The following WDR47 variants were observed in gnomAD, a reference collection of about 807,000 sequenced individuals.
WDR47 encodes WD repeat domain 47, also known as WD repeat-containing protein 47.
A neutral mutation model predicts 97.2 loss-of-function variants in WDR47; 32 were observed. The observed-to-expected ratio is 0.33, with a 90% CI of 0.25 to 0.44. The LOEUF is 0.44. WDR47 is among the 20% of genes least tolerant of loss of function. The probability of loss-of-function intolerance (pLI) is 1.00; values close to 1 mark genes in which losing one functional copy is unlikely to be tolerated. For synonymous variants in WDR47, 375 were observed against 373.5 expected, an observed-to-expected ratio of 1.00 and a Z score of -0.05; for missense variants, 782 against 1,102.3, an observed-to-expected ratio of 0.71 and a Z score of 4.11.
intron 7 of WDR47, among the ~76,000 whole-genome samples, chr1:108,996,587 A>G (rs1659766683): frequency 6.6e-6 from 1 of 152,212 alleles, no homozygotes; most frequent in African/African-American, 2.4e-5. Flanking sequence ...CATGATGAGT[A>G]AAAAGTCAAA....
intron 1 of WDR47, among the ~76,000 whole-genome samples, chr1:109,036,028 T>C (rs113479639): frequency 2.0e-5 from 3 of 152,022 alleles, no homozygotes; most frequent in African/African-American, 7.2e-5. Flanking sequence ...ACTATGAAAA[T>C]GAAAAATATA....
intron 9 of WDR47, among the ~76,000 whole-genome samples, chr1:108,987,687 C>G (rs1658946129): frequency 6.6e-6 from 1 of 150,800 alleles, no homozygotes; most frequent in African/African-American, 2.4e-5. Context: ...AGGCTGGTCT[C>G]AAACTCCTGA....
intron 1 of WDR47, among the ~76,000 whole-genome samples, chr1:109,035,684 C>T (rs535431997): frequency 1.3e-5 from 2 of 151,810 alleles, no homozygotes; most frequent in Admixed American, 6.6e-5. Flanking sequence ...TTAGTAGAGA[C>T]GGGGTTTCAC....
intron 2 of WDR47, among the ~76,000 whole-genome samples, chr1:109,018,412 G>A (rs182191941): frequency 2.7e-5 from 4 of 150,790 alleles, no homozygotes; most frequent in African/African-American, 9.8e-5. Flanking sequence ...CTCTAGCCTG[G>A]GCAACAAAAG....
At chr1:109,027,964 A>T (rs992319117) in intron 1 of WDR47, among the ~76,000 whole-genome samples, 1 of 152,216 alleles carries the variant, frequency 6.6e-6, no homozygotes, top group African/African-American at 2.4e-5. Context: ...ATTCAGGGAA[A>T]CAGAATTCAA....
intron 4 of WDR47, among the ~76,000 whole-genome samples, chr1:109,013,407 A>G (rs1285855692): frequency 1.3e-5 from 2 of 152,190 alleles, no homozygotes; most frequent in Non-Finnish European, 2.9e-5. Context: ...AAATGAATTT[A>G]ATTTCATTAA....
At chr1:108,984,251 T>C (rs1658587476) in intron 10 of WDR47, among the ~76,000 whole-genome samples, 1 of 152,042 alleles carries the variant, frequency 6.6e-6, no homozygotes, top group African/African-American at 2.4e-5. Flanking sequence ...CTTAGTGGGG[T>C]AACAGCATTT....
At chr1:108,996,832 C>T (rs1216573170) in intron 7 of WDR47, among the ~76,000 whole-genome samples, 2 of 152,120 alleles carry the variant, frequency 1.3e-5, no homozygotes, top group Admixed American at 1.3e-4. Flanking sequence ...GATTTAGACT[C>T]ATGGGCCAGG....
intron 7 of WDR47, among the ~76,000 whole-genome samples, chr1:109,000,223 C>G (rs969954083): frequency 5.9e-5 from 9 of 151,498 alleles, no homozygotes; most frequent in Admixed American, 2.6e-4. Flanking sequence ...ATTTAAAAAA[C>G]AAAAAGGGCA....
At chr1:109,022,788 T>C (rs189485855) in intron 2 of WDR47, among the ~76,000 whole-genome samples, 108 of 151,950 alleles carry the variant, frequency 7.1e-4, no homozygotes, top group African/African-American at 2.5e-3. Context: ...TTTCACCATG[T>C]TGGCCAGGCT....
intron 7 of WDR47, among the ~76,000 whole-genome samples, chr1:108,997,405 G>A (rs1659833506): frequency 6.6e-6 from 1 of 151,178 alleles, no homozygotes; most frequent in African/African-American, 2.4e-5. Context: ...ATCCTGCCTG[G>A]GCAACAAAGT....
At chr1:108,971,822 A>T (rs1379357103) in intron 14 of WDR47, among the ~76,000 whole-genome samples, 1 of 151,908 alleles carries the variant, frequency 6.6e-6, no homozygotes, top group Non-Finnish European at 1.5e-5. Flanking sequence ...TCTCAACTTG[A>T]TTTCTCCCTG....
intron 8 of WDR47, among the ~76,000 whole-genome samples, chr1:108,993,567 A>G (rs949581021): frequency 2.2e-4 from 34 of 152,196 alleles, no homozygotes; most frequent in African/African-American, 8.2e-4. Context: ...GAGATGCTAA[A>G]AACAGGGAAT....
At chr1:109,007,736 G>A (rs1660725762) in intron 5 of WDR47, among the ~76,000 whole-genome samples, 1 of 152,146 alleles carries the variant, frequency 6.6e-6, no homozygotes, top group Admixed American at 6.6e-5. Flanking sequence ...GGCTCAGAGA[G>A]ATTAAATAAC....
chr1:108,973,460 C>T (rs570038943), intron 14 of WDR47, among the ~76,000 whole-genome samples: 41 of 152,226 alleles, frequency 2.7e-4, no homozygotes, highest in African/African-American at 9.9e-4. Flanking sequence ...CTGTCAGTCC[C>T]TAATTGATAT....
rs1378852368 is a variant in WDR47, at chr1:109,033,260, A to G, written c.-10+8602T>C. On this transcript the variant is annotated intron_variant, in intron 1 of 14. Coordinates refer to ENST00000369962, the MANE Select transcript of WDR47 (RefSeq NM_001142551.2). ...CAGTGAGTCGAGATCACGCCACTAC[A>G]CTCCAGCTTGGGCGACAGAATGAGA... 3.3e-5 allele frequency among the ~76,000 whole-genome samples: 5 copies of G among 152,038 alleles called. No individual in the cohort carries two copies. The East Asian group carries it at 7.7e-4, about 23-fold the overall frequency.
intron 13 of WDR47, among the ~76,000 whole-genome samples, chr1:108,980,958 T>G (rs1658291864): frequency 6.6e-6 from 1 of 151,704 alleles, no homozygotes; most frequent in East Asian, 1.9e-4. Context: ...AAACCCCGTC[T>G]CTACTAAAAA....
At chr1:108,977,888 GC>G (rs1658040513) in intron 13 of WDR47, among the ~76,000 whole-genome samples, 1 of 151,774 alleles carries the variant, frequency 6.6e-6, no homozygotes, top group Admixed American at 6.6e-5. Flanking sequence ...GGAGGCTGAG[GC>G]AGGAGAATCA....
chr1:109,031,795 CTT>C (rs56318868), intron 1 of WDR47, among the ~76,000 whole-genome samples: 1,465 of 78,328 alleles, frequency 0.019, 90 homozygotes, highest in African/African-American at 0.051. Flanking sequence ...ATCTTTCTTT[CTT>C]TTTTTTTTTT....
Sources: allele counts gnomAD v4.1 joint callset (sites outside exome capture counted in the v4.1 genomes callset), GRCh38; gene constraint gnomAD v4.1.1; transcripts MANE v1.5; gene names NCBI Gene and HGNC (gene_info 2026-07-23, HGNC 2026-07-21).